Variants in HBS1L observed in about 807,000 individuals in gnomAD.
HBS1L encodes the protein HBS1 like translational GTPase.
A neutral mutation model predicts 88.9 loss-of-function variants in HBS1L; 55 were observed. The ratio of observed to expected loss-of-function variants is 0.62; its 90% CI spans 0.50 to 0.77. HBS1L has a LOEUF of 0.77. Ranked by LOEUF, HBS1L falls within the 30% of genes least tolerant of loss-of-function variation. The pLI is 0.00. For synonymous variants in HBS1L, 267 were observed against 288.5 expected, an observed-to-expected ratio of 0.93 and a Z score of 0.76; for missense variants, 741 against 829.3, an observed-to-expected ratio of 0.89 and a Z score of 1.31.
At chr6:134,997,030 A>C in intron 6 of HBS1L, 88 bp from the exon 7 acceptor site, 1 of 984,410 alleles carries the variant, frequency 1.0e-6, no homozygotes, top group Non-Finnish European at 1.5e-6. Context: ...TCAATATTTC[A>C]TGTCAGTGGT....
intron 2 of HBS1L, among the ~76,000 whole-genome samples, chr6:135,042,826 C>CAAAAAAAAAAAAAAAAAAAA (rs1415600534): frequency 2.5e-5 from 1 of 40,032 alleles, no homozygotes. Flanking sequence ...AAAAAAAAAA[C>CAAAAAAAAAAAAAAAAAAAA]AAAAAAAAAA....
At chr6:134,989,906 G>C (rs1562282963) in intron 8 of HBS1L, among the ~76,000 whole-genome samples, 1 of 152,120 alleles carries the variant, frequency 6.6e-6, no homozygotes, top group South Asian at 2.1e-4. Context: ...GTCAATAACT[G>C]TTCTCCACAC....
chr6:134,987,318 T>C (rs2114784458), intron 9 of HBS1L, among the ~76,000 whole-genome samples: 1 of 152,228 alleles, frequency 6.6e-6, no homozygotes, highest in Non-Finnish European at 1.5e-5. Flanking sequence ...CAAAATGAAA[T>C]GTTATAAGTT....
intron 12 of HBS1L, among the ~76,000 whole-genome samples, chr6:134,983,997 T>C (rs1353313975): frequency 1.3e-5 from 2 of 152,038 alleles, no homozygotes; most frequent in Non-Finnish European, 1.5e-5. Flanking sequence ...GAATTGAAAG[T>C]GTATATTGAC....
intron 17 of HBS1L, among the ~76,000 whole-genome samples, chr6:134,965,607 G>A (rs901566429): frequency 1.7e-4 from 26 of 152,186 alleles, no homozygotes; most frequent in Non-Finnish European, 2.6e-4. Flanking sequence ...TGCTTTGCAC[G>A]TTATCATTTC....
At chr6:135,033,727 A>T (rs771900169) in intron 4 of HBS1L, among the ~76,000 whole-genome samples, 2 of 152,236 alleles carry the variant, frequency 1.3e-5, no homozygotes, top group Non-Finnish European at 2.9e-5. Context: ...TTCCACTTGA[A>T]AATTACTTTG....
At chr6:135,004,797 A>G (rs997448375) in intron 4 of HBS1L, among the ~76,000 whole-genome samples, 4 of 152,224 alleles carry the variant, frequency 2.6e-5, no homozygotes, top group African/African-American at 4.8e-5. Context: ...GCAGTTGAAC[A>G]TGTTGGTTGA....
chr6:135,026,867 T>C (rs533128625), intron 4 of HBS1L: 66 of 124,822 alleles, frequency 5.3e-4, no homozygotes, highest in African/African-American at 1.7e-3. Flanking sequence ...ACTCAGCCTA[T>C]TGCCAATCCA....
At position 134,962,996 on chromosome 6, in the gene HBS1L, T is replaced by C. The variant is rs999825581; in HGVS notation, c.*2283A>G. 6.6e-6 allele frequency: 1 copy of C among 152,244 alleles called. No individual in the cohort carries two copies. The highest frequency in any genetic ancestry group is 1.5e-5 in the Non-Finnish European group (1 of 68,042). 9.4% of individuals were successfully genotyped at this position (152,244 alleles called of 1,614,324 possible). ...ATAAAAAGATTGTACTTAAACACTA[T>C]TGGAGAAGGAAGGAATGAATAAATG... On this transcript the variant is annotated 3_prime_UTR_variant, in exon 18 of 18. Transcript: ENST00000367837.
At chr6:134,978,020 C>T (rs1411511914) in intron 15 of HBS1L, among the ~76,000 whole-genome samples, 1 of 151,942 alleles carries the variant, frequency 6.6e-6, no homozygotes, top group Admixed American at 6.6e-5. Context: ...ATGATGCTGG[C>T]AAACCAACCT....
At chr6:135,027,386 T>C (rs1157994607) in intron 4 of HBS1L, among the ~76,000 whole-genome samples, 2 of 151,736 alleles carry the variant, frequency 1.3e-5, no homozygotes, top group Non-Finnish European at 2.9e-5. Context: ...CCAGTAATCA[T>C]AACAAAAATA....
chr6:135,031,276 T>C (rs1335686008), intron 4 of HBS1L, among the ~76,000 whole-genome samples: 14 of 152,102 alleles, frequency 9.2e-5, no homozygotes, highest in Admixed American at 9.2e-4. Flanking sequence ...ATGTATTCAC[T>C]GATTGATGAA....
intron 5 of HBS1L, among the ~76,000 whole-genome samples, chr6:135,001,372 T>C (rs1225829003): frequency 6.6e-6 from 1 of 152,188 alleles, no homozygotes; most frequent in Non-Finnish European, 1.5e-5. Flanking sequence ...TTACTTCTAA[T>C]ATAATACATT....
At chr6:135,043,801 G>A (rs923740018) in intron 2 of HBS1L, among the ~76,000 whole-genome samples, 5 of 152,130 alleles carry the variant, frequency 3.3e-5, no homozygotes, top group Admixed American at 6.5e-5. Context: ...AATTCAATCC[G>A]TTCTACTATA....
intron 4 of HBS1L, among the ~76,000 whole-genome samples, chr6:135,006,583 A>G (rs1283405387): frequency 1.3e-5 from 2 of 152,206 alleles, no homozygotes. Flanking sequence ...TGAAAGAATA[A>G]TGATGGAAAG....
intron 11 of HBS1L, 64 bp from the exon 12 acceptor site, chr6:134,985,473 T>C: frequency 3.1e-6 from 3 of 958,000 alleles, no homozygotes; most frequent in Non-Finnish European, 4.8e-6. Context: ...CTCACTTCAA[T>C]AAACTCATTA....
chr6:134,969,235 CA>C lies in HBS1L; in HGVS notation c.1898+2del, dbSNP rs1412051230. 6.3e-7 allele frequency: 1 copy of C among 1,585,900 alleles called. No individual in the cohort carries two copies. Among genetic ancestry groups the C allele is most frequent in the Non-Finnish European group, 8.7e-7 (1 of 1,154,928 alleles). On this transcript the variant is annotated splice_donor_variant, in intron 16 of 17. Transcript: ENST00000367837. LOFTEE classifies it high-confidence loss of function. ...TTTATCATTTCTGTATTAAAACACTCACTTAGGCTTTTTCTTTGTGACTTCA... is the reference window on the plus strand; with the variant it reads ...TTTATCATTTCTGTATTAAAACACTCCTTAGGCTTTTTCTTTGTGACTTCA...
At chr6:135,001,221 C>A (rs1273823808) in intron 5 of HBS1L, among the ~76,000 whole-genome samples, 2 of 151,962 alleles carry the variant, frequency 1.3e-5, no homozygotes, top group Non-Finnish European at 1.5e-5. Flanking sequence ...ATTAACAGTC[C>A]CTGGCCTCAC....
chr6:134,968,244 C>CTT (rs748189369), intron 16 of HBS1L, among the ~76,000 whole-genome samples: 1 of 146,412 alleles, frequency 6.8e-6, no homozygotes, highest in African/African-American at 2.5e-5. Flanking sequence ...GGTAAGAAAT[C>CTT]TTTTTTTTTT....
Sources: gnomAD v4.1 joint callset for allele counts (sites outside exome capture counted in the v4.1 genomes callset) on GRCh38, gnomAD v4.1.1 for gene constraint, MANE v1.5 for transcripts, NCBI Gene and HGNC (gene_info 2026-07-23, HGNC 2026-07-21) for gene names.